BNC2: variants seen among roughly 807,000 people sequenced by gnomAD.
The protein encoded by BNC2 is zinc finger protein basonuclin-2.
In BNC2, 20 loss-of-function variants were observed where a neutral mutation model predicts 76.3. The observed-to-expected ratio is 0.26, with a 90% confidence interval of 0.18 to 0.38. BNC2 has a LOEUF of 0.38. Ranked by LOEUF, BNC2 falls within the 10% of genes least tolerant of loss-of-function variation. BNC2 has a pLI of 1.00. For synonymous variants in BNC2, 582 were observed against 514.8 expected (o/e 1.13, Z -1.77); for missense variants, 1,382 against 1,399.8 (o/e 0.99, Z 0.20).
intron 1 of BNC2, among the ~76,000 whole-genome samples, chr9:16,848,852 T>C (rs1425735285): frequency 6.6e-6 from 1 of 152,196 alleles, no homozygotes; most frequent in African/African-American, 2.4e-5. Context: ...ACCATTGCTT[T>C]CTGATGTCCA....
intron 1 of BNC2, among the ~76,000 whole-genome samples, chr9:16,828,572 A>G (rs1479125756): frequency 6.6e-6 from 1 of 152,366 alleles, no homozygotes; most frequent in East Asian, 1.9e-4. Context: ...CGGTCCCACC[A>G]GTAAAAACAG....
intron 5 of BNC2, among the ~76,000 whole-genome samples, chr9:16,535,147 G>T (rs999404310): frequency 1.3e-5 from 2 of 152,052 alleles, no homozygotes; most frequent in African/African-American, 4.8e-5. Flanking sequence ...ATGAAACTAG[G>T]AAATCCAAAC....
intron 1 of BNC2, among the ~76,000 whole-genome samples, chr9:16,832,753 G>A (rs926512092): frequency 1.3e-5 from 2 of 151,662 alleles, no homozygotes; most frequent in African/African-American, 4.8e-5. Context: ...TTGAGATGGA[G>A]TCTCGCTCTG....
chr9:16,781,768 T>A (rs553718370), intron 1 of BNC2, among the ~76,000 whole-genome samples: 101 of 152,194 alleles, frequency 6.6e-4, no homozygotes, highest in Admixed American at 1.2e-3. Context: ...TAGTTGATGA[T>A]AGAATATTAT....
At chr9:16,782,342 A>T (rs1826177170) in intron 1 of BNC2, among the ~76,000 whole-genome samples, 1 of 152,018 alleles carries the variant, frequency 6.6e-6, no homozygotes, top group Non-Finnish European at 1.5e-5. Context: ...ATTTTTTTAG[A>T]ATAAATGAGT....
rs1409776493 is a variant in BNC2 at position 16,418,209 on chromosome 9, A to T, written c.*780T>A. The T allele has an allele frequency of 6.6e-6, 1 of 152,640 alleles. No individual in the cohort carries two copies. The highest frequency in any genetic ancestry group is 1.5e-5 in the Non-Finnish European group (1 of 68,050). 9.5% of individuals were successfully genotyped at this position (152,640 alleles called of 1,614,324 possible). A position where few individuals can be genotyped will look rare whatever the true frequency, so the allele number is the denominator to read the frequency against. On this transcript the variant is annotated 3_prime_UTR_variant, in exon 7 of 7. Transcript: ENST00000380672. Reference sequence around the variant, plus strand: ...TTTATGTACTAGTACAGGACATTTTAAAAAATCAGATCTGTGCTGTAAAGC... The same window carrying T: ...TTTATGTACTAGTACAGGACATTTTTAAAAATCAGATCTGTGCTGTAAAGC...
chr9:16,785,123 G>C (rs1451007097), intron 1 of BNC2, among the ~76,000 whole-genome samples: 1 of 152,158 alleles, frequency 6.6e-6, no homozygotes. Flanking sequence ...AAAAGAACGG[G>C]AACTTTAAAC....
intron 5 of BNC2, among the ~76,000 whole-genome samples, chr9:16,512,130 G>A (rs959381840): frequency 4.6e-5 from 7 of 152,052 alleles, no homozygotes; most frequent in African/African-American, 1.4e-4. Flanking sequence ...AGCTTCACAC[G>A]CATTACCCTC....
At chr9:16,501,649 C>T (rs972907868) in intron 5 of BNC2, among the ~76,000 whole-genome samples, 1 of 152,126 alleles carries the variant, frequency 6.6e-6, no homozygotes, top group Non-Finnish European at 1.5e-5. Flanking sequence ...GTTCACTTAT[C>T]CTGAGATACA....
chr9:16,578,221 A>G (rs750589868), intron 4 of BNC2, among the ~76,000 whole-genome samples: 2 of 152,208 alleles, frequency 1.3e-5, no homozygotes, highest in Non-Finnish European at 2.9e-5. Flanking sequence ...TTCCAGTTGT[A>G]CTGGATTATC....
At chr9:16,722,254 A>T (rs1192589367) in intron 3 of BNC2, among the ~76,000 whole-genome samples, 2 of 152,120 alleles carry the variant, frequency 1.3e-5, no homozygotes, top group Non-Finnish European at 2.9e-5. Flanking sequence ...GTTGTGACCC[A>T]TTCACTTCTG....
At chr9:16,526,462 TA>T in intron 5 of BNC2, among the ~76,000 whole-genome samples, 1 of 145,318 alleles carries the variant, frequency 6.9e-6, no homozygotes, top group African/African-American at 2.6e-5. Flanking sequence ...CAACATAGTT[TA>T]ATGCTTTTTT....
At position 16,780,249 on chromosome 9, in the gene BNC2, A is replaced by AAAACAAAAAAAAAAC. The variant is rs1358684830; in HGVS notation, c.4-41765_4-41764insGTTTTTTTTTTGTTT. ...AGACTTCGTTTCAAAAAAAAAAAAA[A>AAAACAAAAAAAAAAC]AAAAAAACAAAAAAAAACTACTGAA... On this transcript the variant is annotated intron_variant, in intron 1 of 6. Transcript: ENST00000380672. Among the ~76,000 whole-genome samples, 1,295 of 131,602 alleles carry AAAACAAAAAAAAAAC rather than the reference A, an allele frequency of 9.8e-3. 22 individuals carry two copies. Among genetic ancestry groups the AAAACAAAAAAAAAAC allele is most frequent in the East Asian group, 0.056 (227 of 4,068 alleles). The allele number at this position is 131,602 out of a possible 152,430, so 86.3% of individuals were successfully genotyped here. A position where few individuals can be genotyped will look rare whatever the true frequency, so the allele number is the denominator to read the frequency against.
At chr9:16,700,791 C>T (rs1020290189) in intron 3 of BNC2, among the ~76,000 whole-genome samples, 1 of 152,074 alleles carries the variant, frequency 6.6e-6, no homozygotes, top group East Asian at 1.9e-4. Flanking sequence ...GAAACCCCAT[C>T]CCTGCTAAAA....
At chr9:16,667,238 AT>A (rs1822327349) in intron 3 of BNC2, among the ~76,000 whole-genome samples, 1 of 152,220 alleles carries the variant, frequency 6.6e-6, no homozygotes, top group East Asian at 1.9e-4. Context: ...TAATAATAGC[AT>A]CCATTTATTT....
chr9:16,720,400 A>G (rs1035822000), intron 3 of BNC2, among the ~76,000 whole-genome samples: 1 of 152,214 alleles, frequency 6.6e-6, no homozygotes, highest in Non-Finnish European at 1.5e-5. Context: ...GGAACAGAAT[A>G]ACCTTGTATT....
At chr9:16,656,701 G>C (rs1034202094) in intron 3 of BNC2, among the ~76,000 whole-genome samples, 1 of 152,124 alleles carries the variant, frequency 6.6e-6, no homozygotes, top group Non-Finnish European at 1.5e-5. Flanking sequence ...CTTAACATGA[G>C]AAGTACTGTC....
intron 1 of BNC2, among the ~76,000 whole-genome samples, chr9:16,858,194 T>C (rs932307800): frequency 3.3e-5 from 5 of 152,162 alleles, no homozygotes; most frequent in Admixed American, 6.6e-5. Flanking sequence ...CCTTTCCTTT[T>C]GAGGTATTTA....
intron 5 of BNC2, among the ~76,000 whole-genome samples, chr9:16,524,535 GGATTATACCT>G (rs1817732269): frequency 6.6e-6 from 1 of 151,872 alleles, no homozygotes; most frequent in Admixed American, 6.6e-5. Context: ...TACACATTCA[GGATTATACCT>G]AAAAATATTA....
Sources: gnomAD v4.1 joint callset for allele counts (sites outside exome capture counted in the v4.1 genomes callset) on GRCh38, gnomAD v4.1.1 for gene constraint, MANE v1.5 for transcripts, NCBI Gene and HGNC (gene_info 2026-07-23, HGNC 2026-07-21) for gene names.